The following ZNF331 variants were observed in gnomAD, a reference collection of about 807,000 sequenced individuals.
ZNF331 encodes zinc finger protein 331, also known as C2H2-like zinc finger protein rearranged in thyroid adenomas.
A neutral mutation model predicts 7.0 loss-of-function variants in ZNF331; 2 were observed. That is an observed-to-expected ratio of 0.29 (90% CI 0.12 to 0.90). The LOEUF (loss-of-function observed/expected upper bound fraction) is 0.90, where lower values mean the gene tolerates loss of function less well. Among genes scored for constraint, ZNF331 ranks in the 40% least tolerant of loss-of-function variants. The probability of loss-of-function intolerance (pLI) is 0.58; values close to 1 mark genes in which losing one functional copy is unlikely to be tolerated. For missense variants in ZNF331, 432 were observed against 587.7 expected, an observed-to-expected ratio of 0.74 and a Z score of 2.74; for synonymous variants, 196 against 205.4, an observed-to-expected ratio of 0.95 and a Z score of 0.39.
chr19:53,544,334 A>T (rs2088420692), intron 2 of ZNF331, among the ~76,000 whole-genome samples: 1 of 151,658 alleles, frequency 6.6e-6, no homozygotes, highest in Non-Finnish European at 1.5e-5. Flanking sequence ...TCACGAGGTC[A>T]GGAGATGGAG....
At chr19:53,546,857 C>G (rs981480713) in intron 2 of ZNF331, among the ~76,000 whole-genome samples, 1 of 152,132 alleles carries the variant, frequency 6.6e-6, no homozygotes, top group Non-Finnish European at 1.5e-5. Flanking sequence ...TTTGGGCGGA[C>G]AGCTTCTGTT....
intron 2 of ZNF331, among the ~76,000 whole-genome samples, chr19:53,546,259 G>C (rs1008955334): frequency 6.6e-6 from 1 of 151,620 alleles, no homozygotes; most frequent in African/African-American, 2.4e-5. Context: ...TCTGAAAGTC[G>C]GCTCTCCACA....
At chr19:53,565,856 C>T (rs954078675) in intron 3 of ZNF331, among the ~76,000 whole-genome samples, 1 of 152,074 alleles carries the variant, frequency 6.6e-6, no homozygotes, top group Non-Finnish European at 1.5e-5. Flanking sequence ...AAAAAAGAAA[C>T]CTTCTTTGTC....
In ZNF331 at chr19:53,539,756, C is replaced by T. The variant is rs566940863; in HGVS notation, c.-138+474C>T. Among the ~76,000 whole-genome samples the T allele has an allele frequency of 3.3e-5, 5 of 152,290 alleles. No individual in the cohort carries two copies. Among genetic ancestry groups the T allele is most frequent in the Non-Finnish European group, 5.9e-5 (4 of 68,022 alleles). On this transcript the variant is annotated intron_variant, in intron 2 of 5. Transcript: ENST00000449416. This position sits in a 1 kb window ranked among gnomAD's most constrained non-coding sequence, Gnocchi z 6.1. ...AAGGAGATACTCTGTAATTTCATGG[C>T]ATTAAGAAGGATGGACATGCCCCAA... is the stretch of plus-strand genomic sequence containing the variant.
chr19:53,519,142 T>A (rs1211396498), upstream of ZNF331, among the ~76,000 whole-genome samples: 1 of 152,098 alleles, frequency 6.6e-6, no homozygotes, highest in African/African-American at 2.4e-5. Context: ...TACAATCTCA[T>A]CCATGTCATA....
chr19:53,560,457 C>T lies in ZNF331; in HGVS notation c.-74+4549C>T, dbSNP rs973092016. Among the ~76,000 whole-genome samples the T allele has an allele frequency of 1.3e-5, 2 of 152,146 alleles. No individual in the cohort carries two copies. The highest frequency in any genetic ancestry group is 1.3e-4 in the Admixed American group (2 of 15,276). Reference sequence around the variant, plus strand: ...ACTGAGACACAGTGAAAGGATGTTCCATAACAGGAAGGTTATGCCTGATTC... The same window carrying T: ...ACTGAGACACAGTGAAAGGATGTTCTATAACAGGAAGGTTATGCCTGATTC... On this transcript the variant is annotated intron_variant, in intron 3 of 5. Transcript: ENST00000449416. The surrounding 1 kb of genome is among the most constrained non-coding windows in gnomAD (Gnocchi z 4.3).
upstream of ZNF331, among the ~76,000 whole-genome samples, chr19:53,535,018 CAAAAAAAAA>C (rs59509834): frequency 7.9e-6 from 1 of 127,354 alleles, no homozygotes; most frequent in Non-Finnish European, 1.6e-5. Context: ...AGCCTGTAAC[CAAAAAAAAA>C]AAAAAAAAAA....
intron 2 of ZNF331, among the ~76,000 whole-genome samples, chr19:53,541,014 C>CT (rs1334429019): frequency 7.9e-5 from 12 of 152,294 alleles, no homozygotes; most frequent in African/African-American, 2.9e-4. Flanking sequence ...CCTTAATTCC[C>CT]CTTTGCCATG....
At chr19:53,507,567 C>A in the ZNF331 span, among the ~76,000 whole-genome samples, 2 of 152,126 alleles carry the variant, frequency 1.3e-5, no homozygotes, top group African/African-American at 4.8e-5. Flanking sequence ...CCAAATTTAC[C>A]ATGTAACCCC....
intron 2 of ZNF331, among the ~76,000 whole-genome samples, chr19:53,547,404 C>T (rs2088684018): frequency 6.6e-6 from 1 of 152,182 alleles, no homozygotes; most frequent in Non-Finnish European, 1.5e-5. Flanking sequence ...ATTGTGTTAT[C>T]TCTACCACAC....
At chr19:53,515,002 G>A (rs1311936488), upstream of ZNF331, among the ~76,000 whole-genome samples, 1 of 152,126 alleles carries the variant, frequency 6.6e-6, no homozygotes, top group African/African-American at 2.4e-5. Context: ...CATCAAATTA[G>A]AAATTACATC....
At position 53,578,604 on chromosome 19, in the gene ZNF331, A is replaced by G. The variant is rs1208159983; in HGVS notation, c.*652A>G. On this transcript the variant is annotated 3_prime_UTR_variant, in exon 6 of 6. Transcript: ENST00000449416. ...AAAAATGTAGTATATAGTATCGTAT[A>G]TATGTACAGGAAAAAAACGTACTAT... The G allele has an allele frequency of 3.4e-5, 7 of 206,826 alleles. No individual in the cohort carries two copies. Among genetic ancestry groups the G allele is most frequent in the African/African-American group, 1.6e-4 (7 of 43,808 alleles). 12.8% of individuals were successfully genotyped at this position (206,826 alleles called of 1,614,324 possible). A position where few individuals can be genotyped will look rare whatever the true frequency, so the allele number is the denominator to read the frequency against.
upstream of ZNF331, among the ~76,000 whole-genome samples, chr19:53,516,784 C>T (rs962765934): frequency 1.5e-4 from 23 of 152,082 alleles, no homozygotes; most frequent in African/African-American, 5.3e-4. Flanking sequence ...TTTTTTGTTG[C>T]TTATTTTGGA....
upstream of ZNF331, among the ~76,000 whole-genome samples, chr19:53,514,858 G>T (rs1033082647): frequency 1.6e-4 from 24 of 152,050 alleles, no homozygotes; most frequent in African/African-American, 4.6e-4. Context: ...CACCATGTTA[G>T]CCAGGATGGT....
chr19:53,551,805 T>G (rs1250546122), intron 2 of ZNF331, among the ~76,000 whole-genome samples: 2 of 152,158 alleles, frequency 1.3e-5, no homozygotes, highest in African/African-American at 4.8e-5. Flanking sequence ...GAATCTAAAA[T>G]GTACAGGAGG....
chr19:53,552,722 G>A (rs989734138), intron 2 of ZNF331, among the ~76,000 whole-genome samples: 5 of 152,072 alleles, frequency 3.3e-5, no homozygotes, highest in Admixed American at 6.6e-5. Flanking sequence ...GACAAAGCGA[G>A]ACCCTGTTTC....
At chr19:53,517,524 A>T (rs2086931333), upstream of ZNF331, among the ~76,000 whole-genome samples, 1 of 152,150 alleles carries the variant, frequency 6.6e-6, no homozygotes, top group African/African-American at 2.4e-5. Flanking sequence ...CAAAGTTTCT[A>T]CCCACATCAA....
chr19:53,513,902 G>A, the ZNF331 span, among the ~76,000 whole-genome samples: 3 of 152,164 alleles, frequency 2.0e-5, no homozygotes, highest in East Asian at 3.9e-4. Context: ...GAGCCACCAC[G>A]CCCAGCCCCT....
rs115370414 is a variant in ZNF331, at chr19:53,539,767, A to G, written c.-138+485A>G. ...CTGTAATTTCATGGCATTAAGAAGG[A>G]TGGACATGCCCCAAAGACATTTAGA... On this transcript the variant is annotated intron_variant, in intron 2 of 5. Coordinates refer to ENST00000449416, the MANE Select transcript of ZNF331 (RefSeq NM_001079906.2). The surrounding 1 kb of genome is among the most constrained non-coding windows in gnomAD (Gnocchi z 6.1). Among the ~76,000 whole-genome samples the G allele has an allele frequency of 0.017, 2,649 of 152,308 alleles. 82 individuals carry two copies. Among genetic ancestry groups the G allele is most frequent in the African/African-American group, 0.06 (2,507 of 41,542 alleles).
Sources: gnomAD v4.1 joint callset for allele counts (sites outside exome capture counted in the v4.1 genomes callset) on GRCh38, gnomAD v4.1.1 for gene constraint, Gnocchi (gnomAD v3.1) non-coding constraint, MANE v1.5 for transcripts, NCBI Gene and HGNC (gene_info 2026-07-23, HGNC 2026-07-21) for gene names.